The following STARD9 variants were observed in gnomAD, a reference collection of about 807,000 sequenced individuals.
STARD9 encodes StAR related lipid transfer domain containing 9, also known as stAR-related lipid transfer protein 9.
STARD9 carries 346 observed loss-of-function variants against 399.8 expected under a neutral mutation model. The ratio of observed to expected loss-of-function variants is 0.87; its 90% CI spans 0.79 to 0.95. The LOEUF is 0.95. STARD9 is among the 40% of genes least tolerant of loss of function. The probability of loss-of-function intolerance (pLI) is 0.00; values close to 1 mark genes in which losing one functional copy is unlikely to be tolerated. For synonymous variants in STARD9, 2,203 were observed against 2,143.5 expected (o/e 1.03, Z -0.77); for missense variants, 5,832 against 5,667.5 (o/e 1.03, Z -0.93).
Position 42,691,869 on chromosome 15 carries a change from G to A in STARD9, c.10291G>A (p.Glu3431Lys). Reference sequence around the variant, plus strand: ...GACCAGCTGGATGTCTGGTACTTTGGAACAAGCCCAACAGGGAAAGCGAGA... The same window carrying A: ...GACCAGCTGGATGTCTGGTACTTTGAAACAAGCCCAACAGGGAAAGCGAGA... ...FTTSWMSGTL[E>K]QAQQGKREKL... The change falls in exon 23 of 33, where the codon GAA becomes AAA. Residue 3431 changes from glutamate to lysine, a missense_variant. Physicochemically the swap from Glu to Lys is moderately conservative, Grantham distance 56 (BLOSUM62 1). Transcript: ENST00000290607. The A allele has an allele frequency of 1.3e-6, 2 of 1,537,260 alleles. No individual in the cohort carries two copies. The highest frequency in any genetic ancestry group is 1.7e-6 in the Non-Finnish European group (2 of 1,146,920).
chr15:42,607,865 G>A (rs999064853), intron 3 of STARD9, among the ~76,000 whole-genome samples: 6 of 151,940 alleles, frequency 3.9e-5, no homozygotes, highest in Non-Finnish European at 8.8e-5. Flanking sequence ...TGTCAGCTCC[G>A]TTAGGATTTT....
Position 42,690,924 on chromosome 15 carries a change from A to T in STARD9, c.9346A>T (p.Arg3116Trp), listed in dbSNP as rs777410613. 2 of 1,537,190 alleles carry T rather than the reference A, an allele frequency of 1.3e-6. No individual in the cohort carries two copies. The highest frequency in any genetic ancestry group is 8.7e-7 in the Non-Finnish European group (1 of 1,146,906). ...GMYSEPLRQFRDSSVGDQNAQ... is the reference protein window; with the variant it reads ...GMYSEPLRQFWDSSVGDQNAQ... Reference sequence around the variant, plus strand: ...GTACTCTGAGCCCCTGAGGCAGTTTAGGGACAGCTCTGTAGGTGACCAGAA... The same window carrying T: ...GTACTCTGAGCCCCTGAGGCAGTTTTGGGACAGCTCTGTAGGTGACCAGAA... Residue 3116 changes from arginine (R) to tryptophan (W), a missense_variant, in exon 23 of 33, where the codon AGG becomes TGG. By Grantham distance (101) the Arg-to-Trp change is moderately radical (BLOSUM62 -3). This residue lies in a region of STARD9 where 5,828 missense variants were observed against 5,651.1 expected (regional missense o/e 1.03). Transcript: ENST00000290607.
intron 2 of STARD9, 80 bp from the exon 3 acceptor site, chr15:42,585,441 T>G: frequency 1.2e-6 from 1 of 835,994 alleles, no homozygotes; most frequent in Non-Finnish European, 1.9e-6. Flanking sequence ...TCTCTAGCTA[T>G]GGTAGAGGGT....
intron 26 of STARD9, among the ~76,000 whole-genome samples, chr15:42,708,364 C>T (rs2061135412): frequency 6.6e-6 from 1 of 152,236 alleles, no homozygotes; most frequent in Non-Finnish European, 1.5e-5. Flanking sequence ...TACCGGAATA[C>T]AGTCATGCCC....
chr15:42,674,910 G>A lies in STARD9; in HGVS notation c.1633G>A (p.Ala545Thr), dbSNP rs1288313335. 2.0e-6 allele frequency: 3 copies of A among 1,537,050 alleles called. No individual in the cohort carries two copies. In the South Asian group the frequency reaches 3.6e-5, roughly 18 times the overall value. Reference sequence around the variant, plus strand: ...AGTTGTTCTACGACCTGCCCGTGGGGCCCGCTGTACAGTCAATGGCCGGGA... The same window carrying A: ...AGTTGTTCTACGACCTGCCCGTGGGACCCGCTGTACAGTCAATGGCCGGGA... ...GVVVLRPARG[A>T]RCTVNGREVT... is the part of the protein sequence containing the mutation. Residue 545 changes from alanine (A) to threonine (T), a missense_variant, in exon 18 of 33, where the codon GCC becomes ACC. Physicochemically the swap from Ala to Thr is moderately conservative, Grantham distance 58. Around this residue, in one of 2 missense-constraint regions of STARD9, gnomAD observed 5,828 missense variants for 5,651.1 expected, o/e 1.03. Transcript: ENST00000290607.
At chr15:42,637,644 A>G (rs1472625829) in intron 4 of STARD9, among the ~76,000 whole-genome samples, 3 of 152,212 alleles carry the variant, frequency 2.0e-5, no homozygotes, top group South Asian at 2.1e-4. Context: ...AAAAGCAGGT[A>G]TCTGGGTTTG....
chr15:42,718,434 GT>G lies in STARD9; in HGVS notation c.13763del (p.Val4588GlyfsTer12). On this transcript the variant is annotated frameshift_variant and splice_region_variant, in exon 31 of 33. Coordinates refer to ENST00000290607, the MANE Select transcript of STARD9 (RefSeq NM_020759.3). LOFTEE classifies it high-confidence loss of function. ...GACCTTCCTTATCCCTGTCCCTCCAGTGTACTTGGTGTGCAACACCACCCTG... is the reference window on the plus strand; with the variant it reads ...GACCTTCCTTATCCCTGTCCCTCCAGGTACTTGGTGTGCAACACCACCCTG... The part of the protein sequence containing the change: ...HQRVTNSISL[V>X]YLVCNTTLCA... The G allele has an allele frequency of 6.5e-7, 1 of 1,536,718 alleles. No individual in the cohort carries two copies. Among genetic ancestry groups the G allele is most frequent in the Non-Finnish European group, 8.7e-7 (1 of 1,146,422 alleles).
At chr15:42,582,202 C>T (rs1161729388) in intron 1 of STARD9, among the ~76,000 whole-genome samples, 2 of 152,170 alleles carry the variant, frequency 1.3e-5, no homozygotes, top group Non-Finnish European at 1.5e-5. Context: ...CTCCTACCCC[C>T]AGTCCTCTAG....
rs1287670387 is a variant in STARD9 at position 42,695,763 on chromosome 15, C to T, written c.13167C>T (p.Thr4389=). 8 of 1,537,152 alleles carry T rather than the reference C, an allele frequency of 5.2e-6. No homozygotes were observed. In the Admixed American group the frequency reaches 5.9e-5, roughly 11 times the overall value. Residue 4389 remains threonine, a synonymous_variant, in exon 26 of 33, where the codon ACC becomes ACT. Transcript: ENST00000290607. The part of the protein sequence containing the change: ...QLLKEEDKLH[T]LANSSSLCTS... ...CCCAGGAAGAGGATAAACTACATAC[C>T]TTGGCCAATTCCAGCTCCCTGTGCA...
In STARD9 at chr15:42,692,253, C is replaced by T. The variant is rs963238094; in HGVS notation, c.10675C>T (p.Arg3559Ter). ...QGSNEAWEVF[R>*]GSSSIALGDP... is the part of the protein sequence containing the mutation. The stretch of plus-strand genomic sequence containing the variant: ...TTCAAATGAGGCCTGGGAAGTATTC[C>T]GAGGGAGTTCTTCAATTGCCTTAGG... The change falls in exon 23 of 33, where the codon CGA becomes TGA. Residue 3559 changes from arginine (R) to a stop codon, truncating the protein, a stop_gained. Transcript: ENST00000290607. LOFTEE classifies it high-confidence loss of function. The T allele has an allele frequency of 1.5e-5, 23 of 1,536,904 alleles. No individual in the cohort carries two copies. The Admixed American group carries it at 1.6e-4, about 10-fold the overall frequency.
In STARD9 at chr15:42,607,194, C is replaced by CTT. The variant is rs763484090; in HGVS notation, c.234+21582_234+21583dup. Among the ~76,000 whole-genome samples the CTT allele has an allele frequency of 3.1e-3, 121 of 39,264 alleles. 24 individuals carry two copies. Among genetic ancestry groups the CTT allele is most frequent in the East Asian group, 0.011 (10 of 922 alleles). The allele number at this position is 39,264 out of a possible 152,430, so 25.8% of individuals were successfully genotyped here. The stretch of plus-strand genomic sequence containing the variant: ...AGCACAACCCTGCATTTTTCTGGTG[C>CTT]TTTTTTTTTTTTTTTTTTTTTTTTT... On this transcript the variant is annotated intron_variant, in intron 3 of 32. Transcript: ENST00000290607.
chr15:42,596,848 C>G (rs2058515649), intron 3 of STARD9, among the ~76,000 whole-genome samples: 3 of 152,182 alleles, frequency 2.0e-5, no homozygotes, highest in Admixed American at 2.0e-4. Flanking sequence ...GCAAAATATT[C>G]GAACAGTACA....
chr15:42,649,034 AT>A (rs953705741), intron 7 of STARD9, among the ~76,000 whole-genome samples: 2 of 149,640 alleles, frequency 1.3e-5, no homozygotes, highest in African/African-American at 2.5e-5. Context: ...CCTAGCCTCC[AT>A]TTTTTTTTCT....
At chr15:42,658,473 G>GCC (rs1382818817) in intron 9 of STARD9, among the ~76,000 whole-genome samples, 1 of 142,090 alleles carries the variant, frequency 7.0e-6, no homozygotes. Flanking sequence ...ACCATGCCTG[G>GCC]CCTTTTGCAC....
At chr15:42,601,910 C>T (rs767101259) in intron 3 of STARD9, among the ~76,000 whole-genome samples, 12 of 152,180 alleles carry the variant, frequency 7.9e-5, no homozygotes, top group Non-Finnish European at 1.2e-4. Flanking sequence ...TGCAGTGGTG[C>T]GATCTCAGTT....
At position 42,629,395 on chromosome 15, in the gene STARD9, G is replaced by A. The variant is rs1020769581; in HGVS notation, c.235-5461G>A. Among the ~76,000 whole-genome samples the A allele has an allele frequency of 2.0e-5, 3 of 151,994 alleles. No individual in the cohort carries two copies. The East Asian group carries it at 5.8e-4, about 29-fold the overall frequency. On this transcript the variant is annotated intron_variant, in intron 3 of 32. Coordinates refer to ENST00000290607, the MANE Select transcript of STARD9 (RefSeq NM_020759.3). ...ATCTTATTTGTAGCTATTGTAAATGGGATTGCATTCTTGATTTCTTTTTCA... is the reference window on the plus strand; with the variant it reads ...ATCTTATTTGTAGCTATTGTAAATGAGATTGCATTCTTGATTTCTTTTTCA...
rs1402364452 is a variant in STARD9 at position 42,688,160 on chromosome 15, C to T, written c.6582C>T (p.Thr2194=). 3 of 1,537,356 alleles carry T rather than the reference C, an allele frequency of 2.0e-6. No individual in the cohort carries two copies. In the Admixed American group the frequency reaches 5.9e-5, roughly 30 times the overall value. The change falls in exon 23 of 33, where the codon ACC becomes ACT. Residue 2194 remains threonine, a synonymous_variant. Coordinates refer to ENST00000290607, the MANE Select transcript of STARD9 (RefSeq NM_020759.3). ...LGKHTTCREF[T]NTSLHPQRMK... is the part of the protein sequence containing the mutation. ...AACACACAACTTGCAGAGAGTTCAC[C>T]AACACTTCTCTTCACCCACAGAGAA... is the stretch of plus-strand genomic sequence containing the variant.
At chr15:42,718,234 G>A (rs1004215544) in intron 30 of STARD9, 55 bp downstream of exon 30, 4 of 1,476,786 alleles carry the variant, frequency 2.7e-6, no homozygotes, top group Non-Finnish European at 3.7e-6. Context: ...GTGCCCAGTG[G>A]GGTCTTGCTG....
rs570820098 is a variant in STARD9, at chr15:42,669,187, G to A, written c.1347G>A (p.Gln449=). The change falls in exon 16 of 33, where the codon CAG becomes CAA. Residue 449 remains glutamine, a synonymous_variant. Coordinates refer to ENST00000290607, the MANE Select transcript of STARD9 (RefSeq NM_020759.3). ...ACCAGCTGACTAAAGACTGGACCCA[G>A]AAGTGGAATGATTGGCAGGCCCTCA... ...KIDQLTKDWT[Q]KWNDWQALME... is the part of the protein sequence containing the mutation. The A allele has an allele frequency of 6.5e-7, 1 of 1,536,072 alleles. No homozygotes were observed. Among genetic ancestry groups the A allele is most frequent in the South Asian group, 1.2e-5 (1 of 84,002 alleles).
Sources: allele counts gnomAD v4.1 joint callset (sites outside exome capture counted in the v4.1 genomes callset), GRCh38; gene constraint gnomAD v4.1.1; regional missense constraint gnomAD v4.1.1; transcripts MANE v1.5; gene names NCBI Gene and HGNC (gene_info 2026-07-23, HGNC 2026-07-21).